The following ANAPC1 variants were observed in gnomAD, a reference collection of about 807,000 sequenced individuals.
ANAPC1 encodes anaphase-promoting complex subunit 1.
A neutral mutation model predicts 208.0 loss-of-function variants in ANAPC1; 36 were observed. The ratio of observed to expected loss-of-function variants is 0.17; its 90% CI spans 0.13 to 0.23. ANAPC1 has a LOEUF of 0.23. Ranked by LOEUF, ANAPC1 falls within the 10% of genes least tolerant of loss-of-function variation. The pLI, the probability that ANAPC1 is intolerant of heterozygous loss-of-function variation, is 1.00. For synonymous variants in ANAPC1, 378 were observed against 695.2 expected, an observed-to-expected ratio of 0.54 and a Z score of 7.18; for missense variants, 942 against 2,011.6, an observed-to-expected ratio of 0.47 and a Z score of 10.17.
rs752525363 is a variant in ANAPC1 at position 111,843,518 on chromosome 2, T to A, written c.1934A>T (p.His645Leu). ...ATAACTGGGTCCTCCTGGAGCACTGTGGACATTGTACCACTTGACAAGCAT... is the reference window on the plus strand; with the variant it reads ...ATAACTGGGTCCTCCTGGAGCACTGAGGACATTGTACCACTTGACAAGCAT... ...VQMLVKWYNV[H>L]SAPGGPSYHS... Residue 645 changes from histidine to leucine, a missense_variant, in exon 17 of 48, where the codon CAC (histidine) becomes CTC (leucine). His to Leu is a moderately conservative substitution (Grantham distance 99, BLOSUM62 -3). Transcript: ENST00000341068. 6.2e-7 allele frequency: 1 copy of A among 1,611,972 alleles called. No individual in the cohort carries two copies. Among genetic ancestry groups the A allele is most frequent in the Admixed American group, 1.7e-5 (1 of 60,020 alleles).
intron 21 of ANAPC1, among the ~76,000 whole-genome samples, chr2:111,829,418 A>G (rs2675753): frequency 6.6e-6 from 1 of 152,180 alleles, no homozygotes; most frequent in Non-Finnish European, 1.5e-5. Context: ...AAAGACATTT[A>G]CAGTCTGCCA....
intron 2 of ANAPC1, among the ~76,000 whole-genome samples, chr2:111,879,735 G>A (rs1223271464): frequency 6.6e-6 from 1 of 152,060 alleles, no homozygotes; most frequent in Non-Finnish European, 1.5e-5. Context: ...AGCTGGGCGT[G>A]GTGGCACATG....
At chr2:111,869,543 G>A (rs1459797859) in intron 6 of ANAPC1, among the ~76,000 whole-genome samples, 2 of 152,158 alleles carry the variant, frequency 1.3e-5, no homozygotes, top group African/African-American at 4.8e-5. Context: ...ACCGCGCCCG[G>A]CCAAATCTTT....
rs1676938054 is a variant in ANAPC1, at chr2:111,775,149, C to T, written c.5584+1710G>A. On this transcript the variant is annotated intron_variant, in intron 46 of 47. Coordinates refer to ENST00000341068, the MANE Select transcript of ANAPC1 (RefSeq NM_022662.4). The stretch of plus-strand genomic sequence containing the variant: ...GGTGTGGTGGCGTGCACCTGTAATC[C>T]CAGCTACTCAGGAGGCTGAGGCAGG... 3.3e-5 allele frequency among the ~76,000 whole-genome samples: 5 copies of T among 152,206 alleles called. No individual in the cohort carries two copies. The South Asian group carries it at 1.0e-3, about 32-fold the overall frequency.
intron 13 of ANAPC1, among the ~76,000 whole-genome samples, chr2:111,852,646 T>C (rs1312801248): frequency 6.6e-6 from 1 of 152,214 alleles, no homozygotes; most frequent in African/African-American, 2.4e-5. Context: ...ATTTAGATCC[T>C]TGGTCAGCAA....
At chr2:111,855,633 A>G (rs907134509) in intron 13 of ANAPC1, among the ~76,000 whole-genome samples, 1 of 152,226 alleles carries the variant, frequency 6.6e-6, no homozygotes, top group African/African-American at 2.4e-5. Flanking sequence ...TTTTTATATA[A>G]AAATTCAAAA....
At chr2:111,858,170 A>C in intron 11 of ANAPC1, 136 bp downstream of exon 11, 1 of 620,468 alleles carries the variant, frequency 1.6e-6, no homozygotes, top group South Asian at 2.3e-5. Flanking sequence ...TTATACAGTA[A>C]AAACATGTTA....
chr2:111,876,423 G>C (rs1455808133), intron 3 of ANAPC1, among the ~76,000 whole-genome samples: 2 of 151,972 alleles, frequency 1.3e-5, no homozygotes, highest in East Asian at 3.9e-4. Flanking sequence ...TCAAAAGACT[G>C]AAATTCCAAA....
chr2:111,876,397 C>A (rs2104603179), intron 3 of ANAPC1, among the ~76,000 whole-genome samples: 1 of 152,078 alleles, frequency 6.6e-6, no homozygotes, highest in South Asian at 2.1e-4. Context: ...GATTAAGTAA[C>A]AATATATTTT....
At chr2:111,862,787 T>C (rs1682148873) in intron 9 of ANAPC1, among the ~76,000 whole-genome samples, 189 bp from the exon 10 acceptor site, 1 of 152,110 alleles carries the variant, frequency 6.6e-6, no homozygotes, top group Non-Finnish European at 1.5e-5. Context: ...TTTACTATAT[T>C]CTAAAGATTT....
In ANAPC1 at chr2:111,833,281, A is replaced by C. The variant is rs759628009; in HGVS notation, c.2415T>G (p.His805Gln). The C allele has an allele frequency of 3.8e-6, 6 of 1,597,908 alleles. No individual in the cohort carries two copies. Among genetic ancestry groups the C allele is most frequent in the Middle Eastern group, 1.7e-4 (1 of 5,998 alleles). Residue 805 changes from histidine to glutamine, a missense_variant, in exon 20 of 48, where the codon CAT (histidine) becomes CAG (glutamine). Transcript: ENST00000341068. ...CAAGCGTTGGGTAGTCTCTATAGTA[A>C]TGATCTACATAAGGCCCCAATTTTA... ...RDLKLGPYVD[H>Q]YYRDYPTLVR...
At chr2:111,881,467 C>T (rs1312645594) in intron 1 of ANAPC1, among the ~76,000 whole-genome samples, 1 of 152,104 alleles carries the variant, frequency 6.6e-6, no homozygotes, top group Non-Finnish European at 1.5e-5. Flanking sequence ...AGAACCGAGG[C>T]ATGAATAACT....
intron 23 of ANAPC1, 33 bp downstream of exon 23, chr2:111,825,098 T>C (rs551958003): frequency 8.7e-6 from 14 of 1,613,846 alleles, no homozygotes; most frequent in Admixed American, 1.7e-5. Flanking sequence ...TTTTAAGTGT[T>C]TGACATAAAA....
Position 111,832,204 on chromosome 2 carries a change from G to A in ANAPC1, c.2477-770C>T, listed in dbSNP as rs1680178244. Among the ~76,000 whole-genome samples the A allele has an allele frequency of 2.6e-5, 4 of 151,444 alleles. No homozygotes were observed. The South Asian group carries it at 8.4e-4, about 32-fold the overall frequency. ...GGCAATCCCAGGCACTTGGGAGGCT[G>A]AGGCAGGAGAATCGCTTGAGCCTGG... On this transcript the variant is annotated intron_variant, in intron 20 of 47. Coordinates refer to ENST00000341068, the MANE Select transcript of ANAPC1 (RefSeq NM_022662.4).
chr2:111,865,024 T>C, intron 7 of ANAPC1, 73 bp from the exon 8 acceptor site: 5 of 1,468,602 alleles, frequency 3.4e-6, no homozygotes, highest in East Asian at 2.4e-5. Context: ...AACAGAGCTC[T>C]TAAAATTGTT....
At chr2:111,882,838 A>C (rs936974452) in intron 1 of ANAPC1, among the ~76,000 whole-genome samples, 1 of 151,998 alleles carries the variant, frequency 6.6e-6, no homozygotes. Context: ...GTACTGGGAC[A>C]CTTGAACTTG....
chr2:111,862,364 GAATAT>G lies in ANAPC1; in HGVS notation c.1262+20_1262+24del. 1 of 1,441,076 alleles carries G rather than the reference GAATAT, an allele frequency of 6.9e-7. No homozygotes were observed. The highest frequency in any genetic ancestry group is 9.2e-7 in the Non-Finnish European group (1 of 1,092,472). 89.3% of individuals were successfully genotyped at this position (1,441,076 alleles called of 1,614,324 possible). ...AAGACTTTCAGCAACATTTTTCTTT[GAATAT>G]AATAATATATATAACAAACCTTATA... On this transcript the variant is annotated intron_variant, in intron 10 of 47. Transcript: ENST00000341068.
rs556756186 is a variant in ANAPC1 at position 111,838,924 on chromosome 2, TACAGTAA to T, written c.2041-419_2041-413del. 2.8e-3 allele frequency among the ~76,000 whole-genome samples: 424 copies of T among 152,336 alleles called. 2 individuals carry two copies. The highest frequency in any genetic ancestry group is 9.6e-3 in the African/African-American group (400 of 41,572). On this transcript the variant is annotated intron_variant, in intron 17 of 47. Coordinates refer to ENST00000341068, the MANE Select transcript of ANAPC1 (RefSeq NM_022662.4). ...AGCAAACATTTATTTACAGTCCACC[TACAGTAA>T]ACTATCTAACAATTCTATGGCAGAG...
In ANAPC1 at chr2:111,880,812, T is replaced by C. The variant is rs368970063; in HGVS notation, c.14A>G (p.Tyr5Cys). The change falls in exon 2 of 48, where the codon TAT becomes TGT. Residue 5 changes from tyrosine to cysteine, a missense_variant. Transcript: ENST00000341068. The part of the protein sequence containing the change: MSNF[Y>C]EERTTMIAAR... ...TGCAATCATCGTTGTCCTTTCTTCA[T>C]AGAAGTTCGACATGGGTTCCAAATA... 2.2e-4 allele frequency: 353 copies of C among 1,613,766 alleles called. No homozygotes were observed. The highest frequency in any genetic ancestry group is 2.8e-4 in the Non-Finnish European group (326 of 1,179,872).
Sources: allele counts gnomAD v4.1 joint callset (sites outside exome capture counted in the v4.1 genomes callset), GRCh38; gene constraint gnomAD v4.1.1; transcripts MANE v1.5; gene names NCBI Gene and HGNC (gene_info 2026-07-23, HGNC 2026-07-21).